ATP2A3: variants seen among roughly 807,000 people sequenced by gnomAD.
ATP2A3 encodes the protein ATPase sarcoplasmic/endoplasmic reticulum Ca2+ transporting 3, also known as sarcoplasmic/endoplasmic reticulum calcium ATPase 3.
ATP2A3 carries 61 observed loss-of-function variants against 106.8 expected under a neutral mutation model. That is an observed-to-expected ratio of 0.57 (90% confidence interval 0.46 to 0.71). The LOEUF is 0.71. ATP2A3 is among the 30% of genes least tolerant of loss of function. The pLI is 0.00. For synonymous variants in ATP2A3, 611 were observed against 609.3 expected, an observed-to-expected ratio of 1.00 and a Z score of -0.04; for missense variants, 1,201 against 1,423.5, an observed-to-expected ratio of 0.84 and a Z score of 2.52.
rs936398910 is a variant in ATP2A3, at chr17:3,924,733, G to A, written c.*689C>T. ...CTTTCCCGACTTGTCTCCCGGGAAA[G>A]GACATCCTCGCTCCGCCCTCCTGCC... On this transcript the variant is annotated 3_prime_UTR_variant, in exon 21 of 21. Coordinates refer to ENST00000397041, the MANE Select transcript of ATP2A3 (RefSeq NM_005173.4). This position sits in a 1 kb window ranked among gnomAD's most constrained non-coding sequence, Gnocchi z 6.4. The A allele has an allele frequency of 4.4e-6, 2 of 456,442 alleles. No individual in the cohort carries two copies. Among genetic ancestry groups the A allele is most frequent in the Non-Finnish European group, 8.8e-6 (2 of 226,900 alleles). The allele number at this position is 456,442 out of a possible 1,614,324, so 28.3% of individuals were successfully genotyped here.
chr17:3,928,037 C>T lies in ATP2A3; in HGVS notation c.2980+626G>A. 6 of 1,614,108 alleles carry T rather than the reference C, an allele frequency of 3.7e-6. No homozygotes were observed. Among genetic ancestry groups the T allele is most frequent in the Non-Finnish European group, 5.1e-6 (6 of 1,180,028 alleles). On this transcript the variant is annotated intron_variant, in intron 20 of 20. Transcript: ENST00000397041. This position sits in a 1 kb window ranked among gnomAD's most constrained non-coding sequence, Gnocchi z 6.1. ...CAGCGAGACGATGCTGTGTCCCTGG[C>T]CCTTGGAAGTTCAGAATCACCCACT...
chr17:3,925,397 G>A lies in ATP2A3; in HGVS notation c.*25C>T, dbSNP rs766610781. The stretch of plus-strand genomic sequence containing the variant: ...GCACCATCAGTCTGAGGTACACACC[G>A]GAGACTCCACTCTGTTCCCAGCGCT... On this transcript the variant is annotated 3_prime_UTR_variant, in exon 21 of 21. Coordinates refer to ENST00000397041, the MANE Select transcript of ATP2A3 (RefSeq NM_005173.4). The surrounding 1 kb of genome is among the most constrained non-coding windows in gnomAD (Gnocchi z 4.2). The A allele has an allele frequency of 6.7e-5, 108 of 1,613,744 alleles. No individual in the cohort carries two copies. The highest frequency in any genetic ancestry group is 8.0e-5 in the African/African-American group (6 of 74,890).
chr17:3,927,666 C>G, intron 20 of ATP2A3: 1 of 985,152 alleles, frequency 1.0e-6, no homozygotes, highest in Non-Finnish European at 1.2e-6. Context: ...CTCCCCCCAC[C>G]CCCACCCATT....
chr17:3,927,005 G>C lies in ATP2A3; in HGVS notation c.2981-1564C>G. The C allele has an allele frequency of 3.0e-6, 3 of 985,466 alleles. No homozygotes were observed. In the African/African-American group the frequency reaches 5.2e-5, roughly 17 times the overall value. 61.0% of individuals were successfully genotyped at this position (985,466 alleles called of 1,614,324 possible). On this transcript the variant is annotated intron_variant, in intron 20 of 20. Coordinates refer to ENST00000397041, the MANE Select transcript of ATP2A3 (RefSeq NM_005173.4). Reference sequence around the variant, plus strand: ...CTTGGCACTCAAGGCCCTTGCCCCTGCCGGGCCTCACCCCTCTGCCCTGCA... The same window carrying C: ...CTTGGCACTCAAGGCCCTTGCCCCTCCCGGGCCTCACCCCTCTGCCCTGCA...
In ATP2A3 at chr17:3,947,613, G is replaced by A. The variant is rs904945216; in HGVS notation, c.873C>T (p.Gly291=). ...CGGCGATCTTGAAGTAGTAGACAGC[G>A]CCACGCAGCCAGGAGCCACCGTGGG... is the stretch of plus-strand genomic sequence containing the variant. The part of the protein sequence containing the change: ...DPAHGGSWLR[G]AVYYFKIAVA... The change falls in exon 8 of 21, where the codon GGC becomes GGT. Residue 291 remains glycine, a synonymous_variant. Transcript: ENST00000397041. This position sits in a 1 kb window ranked among gnomAD's most constrained non-coding sequence, Gnocchi z 7.7. 9.9e-6 allele frequency: 16 copies of A among 1,612,288 alleles called. No individual in the cohort carries two copies. The highest frequency in any genetic ancestry group is 1.3e-5 in the African/African-American group (1 of 74,922).
chr17:3,933,348 C>T (rs535833427), intron 17 of ATP2A3, among the ~76,000 whole-genome samples: 1 of 151,260 alleles, frequency 6.6e-6, no homozygotes, highest in African/African-American at 2.5e-5. Context: ...CTGCCCAGTG[C>T]AGACCTTCTG....
rs112525617 is a variant in ATP2A3, at chr17:3,948,720, C to T, written c.631-865G>A. The stretch of plus-strand genomic sequence containing the variant: ...AGGCATGAGCTACCATGCCCGGCCC[C>T]TCCAAAGCTTCTTAGTGACAGCTGC... On this transcript the variant is annotated intron_variant, in intron 7 of 20. Transcript: ENST00000397041. 1.0e-3 allele frequency among the ~76,000 whole-genome samples: 154 copies of T among 152,266 alleles called. 2 individuals are homozygous for T. Among genetic ancestry groups the T allele is most frequent in the African/African-American group, 3.6e-3 (148 of 41,558 alleles).
chr17:3,926,585 G>A lies in ATP2A3; in HGVS notation c.2981-1144C>T, dbSNP rs1028615990. 2.0e-5 allele frequency among the ~76,000 whole-genome samples: 3 copies of A among 152,082 alleles called. No homozygotes were observed. In the South Asian group the frequency reaches 6.2e-4, roughly 32 times the overall value. On this transcript the variant is annotated intron_variant, in intron 20 of 20. Coordinates refer to ENST00000397041, the MANE Select transcript of ATP2A3 (RefSeq NM_005173.4). The surrounding 1 kb of genome is among the most constrained non-coding windows in gnomAD (Gnocchi z 4.6). ...TCACCCTCTCTTTTTGGGGGAGAGT[G>A]GGGGAACAGAGTTTTGCTCTGTCAC...
intron 20 of ATP2A3, chr17:3,927,656 C>G: frequency 1.0e-6 from 1 of 985,294 alleles, no homozygotes; most frequent in Non-Finnish European, 1.2e-6. Context: ...CCTTGCTCAG[C>G]TCCCCCCACC....
chr17:3,925,298 A>G lies in ATP2A3; in HGVS notation c.*124T>C. On this transcript the variant is annotated 3_prime_UTR_variant, in exon 21 of 21. Coordinates refer to ENST00000397041, the MANE Select transcript of ATP2A3 (RefSeq NM_005173.4). This position sits in a 1 kb window ranked among gnomAD's most constrained non-coding sequence, Gnocchi z 4.2. Reference sequence around the variant, plus strand: ...TGGCCATTCTGACCTCGGGCCTGTCATTTATCCGGCGGGACCCGGTGGGCA... The same window carrying G: ...TGGCCATTCTGACCTCGGGCCTGTCGTTTATCCGGCGGGACCCGGTGGGCA... The G allele has an allele frequency of 6.4e-7, 1 of 1,556,778 alleles. No homozygotes were observed. The highest frequency in any genetic ancestry group is 1.4e-5 in the African/African-American group (1 of 74,058).
rs761647161 is a variant in ATP2A3 at position 3,941,111 on chromosome 17, T to C, written c.1960A>G (p.Thr654Ala). ...CTGAGGTCATCAAACTCGCGGCCCG[T>C]GTAGGCCTTGCCCGCCACGTCTTCC... is the stretch of plus-strand genomic sequence containing the variant. The part of the protein sequence containing the change: ...DTEDVAGKAY[T>A]GREFDDLSPE... The change falls in exon 14 of 21, where the codon ACG becomes GCG. Residue 654 changes from threonine (T) to alanine (A), a missense_variant. Thr to Ala is a moderately conservative substitution (Grantham distance 58, BLOSUM62 0). Transcript: ENST00000397041. 1.2e-6 allele frequency: 2 copies of C among 1,614,014 alleles called. No individual in the cohort carries two copies. Among genetic ancestry groups the C allele is most frequent in the Non-Finnish European group, 1.7e-6 (2 of 1,179,954 alleles).
At chr17:3,938,437 A>C (rs2053566647) in intron 14 of ATP2A3, among the ~76,000 whole-genome samples, 1 of 152,038 alleles carries the variant, frequency 6.6e-6, no homozygotes, top group African/African-American at 2.4e-5. Flanking sequence ...CCATCTAAAA[A>C]AATTGAAGGC....
At position 3,930,438 on chromosome 17, in the gene ATP2A3, G is replaced by T; in HGVS notation, c.2611-4C>A. 1 of 1,613,760 alleles carries T rather than the reference G, an allele frequency of 6.2e-7. No individual in the cohort carries two copies. The highest frequency in any genetic ancestry group is 8.5e-7 in the Non-Finnish European group (1 of 1,180,006). On this transcript the variant is annotated splice_region_variant and splice_polypyrimidine_tract_variant and intron_variant, in intron 17 of 20. Transcript: ENST00000397041. This position sits in a 1 kb window ranked among gnomAD's most constrained non-coding sequence, Gnocchi z 5.4. ...CGGAGCACTTCAGGAAGTTCCTCTG[G>T]GGGCACCGTGGCAGGTCAGAGAGAG...
Position 3,953,256 on chromosome 17 carries a change from C to T in ATP2A3, c.219+91G>A. On this transcript the variant is annotated intron_variant, in intron 3 of 20. Transcript: ENST00000397041. This position sits in a 1 kb window ranked among gnomAD's most constrained non-coding sequence, Gnocchi z 5.1. ...GCAGGCCCAGGGTGTGGAGGACAGGCCCAGGCTCCAGGACCTCGGAGCACT... is the reference window on the plus strand; with the variant it reads ...GCAGGCCCAGGGTGTGGAGGACAGGTCCAGGCTCCAGGACCTCGGAGCACT... 7.1e-7 allele frequency: 1 copy of T among 1,417,514 alleles called. No individual in the cohort carries two copies. The highest frequency in any genetic ancestry group is 1.2e-5 in the South Asian group (1 of 86,828). 87.8% of individuals were successfully genotyped at this position (1,417,514 alleles called of 1,614,324 possible).
intron 12 of ATP2A3, among the ~76,000 whole-genome samples, chr17:3,942,167 G>A (rs778098295): frequency 5.3e-5 from 8 of 152,124 alleles, no homozygotes; most frequent in African/African-American, 1.4e-4. Flanking sequence ...ACCTCACCCC[G>A]GGCCTAGGAA....
intron 14 of ATP2A3, among the ~76,000 whole-genome samples, chr17:3,940,252 G>C (rs981480887): frequency 6.6e-6 from 1 of 151,860 alleles, no homozygotes; most frequent in Non-Finnish European, 1.5e-5. Flanking sequence ...GTGCTTCATC[G>C]AAGGCAAATT....
Position 3,936,473 on chromosome 17 carries a change from G to C in ATP2A3, c.2322-4C>G. 1 of 1,613,882 alleles carries C rather than the reference G, an allele frequency of 6.2e-7. No individual in the cohort carries two copies. The highest frequency in any genetic ancestry group is 8.5e-7 in the Non-Finnish European group (1 of 1,180,012). ...CAGAATTGCCGTGAGGAAGATGCTGGAACAGAGTCATGAGCTCTAGCCCCG... is the reference window on the plus strand; with the variant it reads ...CAGAATTGCCGTGAGGAAGATGCTGCAACAGAGTCATGAGCTCTAGCCCCG... On this transcript the variant is annotated splice_region_variant and splice_polypyrimidine_tract_variant and intron_variant, in intron 15 of 20. Transcript: ENST00000397041. The surrounding 1 kb of genome is among the most constrained non-coding windows in gnomAD (Gnocchi z 5.4).
intron 11 of ATP2A3, among the ~76,000 whole-genome samples, 188 bp downstream of exon 11, chr17:3,943,203 C>G (rs2053882059): frequency 6.6e-6 from 1 of 150,718 alleles, no homozygotes; most frequent in Non-Finnish European, 1.5e-5. Context: ...ACCCGGGAGG[C>G]AGAGGTTGCA....
In ATP2A3 at chr17:3,928,636, G is replaced by A. The variant is rs2052855125; in HGVS notation, c.2980+27C>T. 1.3e-6 allele frequency: 2 copies of A among 1,532,530 alleles called. No individual in the cohort carries two copies. Among genetic ancestry groups the A allele is most frequent in the Non-Finnish European group, 1.8e-6 (2 of 1,130,782 alleles). 94.9% of individuals were successfully genotyped at this position (1,532,530 alleles called of 1,614,324 possible). On this transcript the variant is annotated intron_variant, in intron 20 of 20. Coordinates refer to ENST00000397041, the MANE Select transcript of ATP2A3 (RefSeq NM_005173.4). This position sits in a 1 kb window ranked among gnomAD's most constrained non-coding sequence, Gnocchi z 6.1. ...GCAGAGGCGGGCGGGGAGGCAGGCT[G>A]GAGGCGGGACGGGGCCTCCCACTCA...
Sources: allele counts gnomAD v4.1 joint callset (sites outside exome capture counted in the v4.1 genomes callset), GRCh38; gene constraint gnomAD v4.1.1; non-coding constraint Gnocchi (gnomAD v3.1); transcripts MANE v1.5; gene names NCBI Gene and HGNC (gene_info 2026-07-23, HGNC 2026-07-21).